GPC5: variants seen among roughly 807,000 people sequenced by gnomAD.
GPC5 encodes glypican-5.
A neutral mutation model predicts 53.9 loss-of-function variants in GPC5; 47 were observed. The ratio of observed to expected loss-of-function variants is 0.87; its 90% CI spans 0.69 to 1.11. The LOEUF is 1.11. Among genes scored for constraint, GPC5 ranks in the 50% most tolerant of loss-of-function variants. The pLI is 0.00. For synonymous variants in GPC5, 286 were observed against 263.3 expected, an observed-to-expected ratio of 1.09 and a Z score of -0.84; for missense variants, 748 against 713.1, an observed-to-expected ratio of 1.05 and a Z score of -0.56.
Position 92,811,658 on chromosome 13 carries a change from T to C in GPC5, c.1562-54624T>C, listed in dbSNP as rs1203083499. On this transcript the variant is annotated intron_variant, in intron 7 of 7. Transcript: ENST00000377067. ...TACTTTTTCTTTTCTGTGCCTTTAATGTTACATTTAAGAATTACCAAACTC... is the reference window on the plus strand; with the variant it reads ...TACTTTTTCTTTTCTGTGCCTTTAACGTTACATTTAAGAATTACCAAACTC... Among the ~76,000 whole-genome samples the C allele has an allele frequency of 2.6e-5, 4 of 152,122 alleles. 1 individual carries two copies. The highest frequency in any genetic ancestry group is 9.7e-5 in the African/African-American group (4 of 41,414).
At chr13:91,884,165 C>T (rs372519072) in intron 5 of GPC5, among the ~76,000 whole-genome samples, 3 of 152,056 alleles carry the variant, frequency 2.0e-5, no homozygotes, top group East Asian at 1.9e-4. Context: ...TAAATTAGTT[C>T]GACCACTGTG....
intron 7 of GPC5, among the ~76,000 whole-genome samples, chr13:92,833,299 C>A (rs943475352): frequency 6.6e-6 from 1 of 152,116 alleles, no homozygotes; most frequent in African/African-American, 2.4e-5. Context: ...AGGGTGAACA[C>A]AACCTCCTAA....
chr13:92,536,772 T>C (rs1881738001), intron 7 of GPC5, among the ~76,000 whole-genome samples: 1 of 152,028 alleles, frequency 6.6e-6, no homozygotes, highest in South Asian at 2.1e-4. Context: ...TAAATTTAAT[T>C]CAAAAAGACC....
chr13:92,198,712 T>G (rs920504789), intron 7 of GPC5, among the ~76,000 whole-genome samples: 22 of 152,188 alleles, frequency 1.4e-4, no homozygotes, highest in African/African-American at 4.3e-4. Flanking sequence ...CACTTCTGAT[T>G]CAGAGTGGGC....
intron 7 of GPC5, among the ~76,000 whole-genome samples, chr13:92,344,969 A>C (rs2043398564): frequency 6.6e-6 from 1 of 152,218 alleles, no homozygotes; most frequent in South Asian, 2.1e-4. Flanking sequence ...TTGATTTCAA[A>C]AGAAAAGCAA....
intron 6 of GPC5, among the ~76,000 whole-genome samples, chr13:91,929,905 A>G (rs560213683): frequency 6.6e-6 from 1 of 152,194 alleles, no homozygotes; most frequent in African/African-American, 2.4e-5. Flanking sequence ...TTCCAAATGC[A>G]CATTGATATA....
At chr13:91,623,464 G>A (rs1470578719) in intron 2 of GPC5, among the ~76,000 whole-genome samples, 2 of 151,988 alleles carry the variant, frequency 1.3e-5, no homozygotes, top group East Asian at 3.9e-4. Flanking sequence ...GCGTCTAGGG[G>A]GCATCACTCA....
intron 5 of GPC5, among the ~76,000 whole-genome samples, chr13:91,810,138 A>G (rs911222135): frequency 1.3e-5 from 2 of 152,012 alleles, no homozygotes; most frequent in African/African-American, 2.4e-5. Flanking sequence ...GTTTCAGAGA[A>G]TTAATTAGTG....
At chr13:92,801,988 C>T (rs963000481) in intron 7 of GPC5, among the ~76,000 whole-genome samples, 12 of 151,544 alleles carry the variant, frequency 7.9e-5, no homozygotes, top group African/African-American at 2.9e-4. Flanking sequence ...TTAGTTTAGC[C>T]TAAGTTTATA....
At chr13:92,173,560 A>G (rs1428739470) in intron 7 of GPC5, among the ~76,000 whole-genome samples, 1 of 152,102 alleles carries the variant, frequency 6.6e-6, no homozygotes. Flanking sequence ...AAAATTACTT[A>G]TTCAAATTTT....
At chr13:91,882,675 T>TTTG (rs1291035474) in intron 5 of GPC5, among the ~76,000 whole-genome samples, 2 of 143,086 alleles carry the variant, frequency 1.4e-5, no homozygotes, top group Admixed American at 1.4e-4. Context: ...TTTGGGTTTT[T>TTTG]TTTTTTTTTT....
chr13:91,436,468 T>G (rs1005211282), intron 1 of GPC5, among the ~76,000 whole-genome samples: 1 of 152,168 alleles, frequency 6.6e-6, no homozygotes, highest in African/African-American at 2.4e-5. Flanking sequence ...CAGGAGCAGG[T>G]TGTTCAGTTT....
chr13:92,629,339 T>G (rs896406470), intron 7 of GPC5, among the ~76,000 whole-genome samples: 1 of 152,186 alleles, frequency 6.6e-6, no homozygotes, highest in African/African-American at 2.4e-5. Context: ...GCAGTTTGCC[T>G]CCTCTTTGTG....
At chr13:91,974,412 T>A in intron 6 of GPC5, among the ~76,000 whole-genome samples, 1 of 152,064 alleles carries the variant, frequency 6.6e-6, no homozygotes, top group South Asian at 2.1e-4. Flanking sequence ...ATAAGCAACT[T>A]CAGCAAAGTC....
intron 7 of GPC5, among the ~76,000 whole-genome samples, chr13:92,591,462 A>C (rs1883709487): frequency 6.6e-6 from 1 of 152,146 alleles, no homozygotes; most frequent in Non-Finnish European, 1.5e-5. Context: ...CTTTTAATGT[A>C]TTTTTAATTA....
At chr13:92,303,579 G>C (rs2043089903) in intron 7 of GPC5, among the ~76,000 whole-genome samples, 1 of 152,120 alleles carries the variant, frequency 6.6e-6, no homozygotes, top group Admixed American at 6.5e-5. Flanking sequence ...AGGAATCTAG[G>C]AACTGAGCTA....
chr13:92,097,251 G>C (rs1227067543), intron 6 of GPC5, among the ~76,000 whole-genome samples: 2 of 152,174 alleles, frequency 1.3e-5, no homozygotes, highest in African/African-American at 2.4e-5. Flanking sequence ...AGGTTTCCTA[G>C]AAAACTGTTG....
chr13:92,332,234 T>G (rs2043292934), intron 7 of GPC5, among the ~76,000 whole-genome samples: 1 of 152,160 alleles, frequency 6.6e-6, no homozygotes, highest in Non-Finnish European at 1.5e-5. Context: ...GCAGGATATA[T>G]TTGAATTTTG....
At chr13:92,726,174 T>C (rs866220644) in intron 7 of GPC5, among the ~76,000 whole-genome samples, 2 of 151,474 alleles carry the variant, frequency 1.3e-5, no homozygotes, top group Admixed American at 6.6e-5. Context: ...GAATTCTCTC[T>C]CCCACTTCAG....
Sources: allele counts gnomAD v4.1 joint callset (sites outside exome capture counted in the v4.1 genomes callset), GRCh38; gene constraint gnomAD v4.1.1; transcripts MANE v1.5; gene names NCBI Gene and HGNC (gene_info 2026-07-23, HGNC 2026-07-21).